Variants in ATP7A observed in about 807,000 individuals in gnomAD.
ATP7A encodes the protein ATPase copper transporting alpha.
In ATP7A, 7 loss-of-function variants were observed where a neutral mutation model predicts 83.5. The ratio of observed to expected loss-of-function variants is 0.08; its 90% CI spans 0.05 to 0.16. ATP7A has a LOEUF of 0.16. Among genes scored for constraint, ATP7A ranks in the 10% least tolerant of loss-of-function variants. ATP7A has a pLI of 1.00. For missense variants in ATP7A, 940 were observed against 1,120.8 expected (o/e 0.84, Z 2.30); for synonymous variants, 354 against 395.2 (o/e 0.90, Z 1.24).
chrX:78,015,980 A>G lies in ATP7A; in HGVS notation c.2626+99A>G, dbSNP rs898118011. ...AGCTATGAATAACTAAATTATGAAC[A>G]GAGAGAATAAGTTCTTTTAAGACTG... On this transcript the variant is annotated intron_variant, in intron 12 of 22. Coordinates refer to ENST00000341514, the MANE Select transcript of ATP7A (RefSeq NM_000052.7). 20 of 950,905 alleles carry G rather than the reference A, an allele frequency of 2.1e-5. No homozygotes were observed. The African/African-American group carries it at 3.5e-4, about 16-fold the overall frequency. The allele number at this position is 950,905 out of a possible 1,213,427, so 78.4% of individuals were successfully genotyped here. A position where few individuals can be genotyped will look rare whatever the true frequency, so the allele number is the denominator to read the frequency against.
At chrX:77,974,849 A>C (rs2149075566) in intron 2 of ATP7A, 1 of 294,078 alleles carries the variant, frequency 3.4e-6, no homozygotes, top group Non-Finnish European at 5.9e-6. Context: ...TTTCCATTAA[A>C]AATTTCAAAC....
intron 7 of ATP7A, among the ~76,000 whole-genome samples, chrX:78,010,631 G>T (rs1025949107): frequency 2.0e-4 from 18 of 88,248 alleles, no homozygotes; most frequent in African/African-American, 7.4e-4. Flanking sequence ...CTGGGCTGGA[G>T]TGCAGTGGTG....
At chrX:78,036,801 C>A (rs1242561922) in intron 17 of ATP7A, among the ~76,000 whole-genome samples, 1 of 110,817 alleles carries the variant, frequency 9.0e-6, no homozygotes, top group African/African-American at 3.3e-5. Flanking sequence ...GAGAATCTTG[C>A]GGGGATTCGG....
intron 18 of ATP7A, 30 bp downstream of exon 18, chrX:78,039,012 C>A: frequency 8.4e-7 from 1 of 1,196,029 alleles, no homozygotes; most frequent in South Asian, 1.8e-5. Flanking sequence ...TGCTATAACT[C>A]AATGTTTTGT....
chrX:77,924,566 A>T (rs1310267533), intron 1 of ATP7A: 1 of 111,673 alleles, frequency 9.0e-6, no homozygotes, highest in Non-Finnish European at 1.9e-5. Context: ...CTTTCTTAAA[A>T]ACTCCTTTCC....
rs1176316040 is a variant in ATP7A at position 78,017,765 on chromosome X, C to CTTTTTTTT, written c.2626+1906_2626+1913dup. The stretch of plus-strand genomic sequence containing the variant: ...ATGCCATCCGTCTCTTTTCTTGTTT[C>CTTTTTTTT]TTTTTTTTTTTTTTTTTTTTTTTTT... On this transcript the variant is annotated intron_variant, in intron 12 of 22. Transcript: ENST00000341514. Among the ~76,000 whole-genome samples the CTTTTTTTT allele has an allele frequency of 5.8e-3, 267 of 45,827 alleles. 6 individuals are homozygous for CTTTTTTTT. The highest frequency in any genetic ancestry group is 8.6e-3 in the African/African-American group (92 of 10,642). 39.8% of individuals were successfully genotyped at this position (45,827 alleles called of 115,157 possible). A position where few individuals can be genotyped will look rare whatever the true frequency, so the allele number is the denominator to read the frequency against.
intron 1 of ATP7A, chrX:77,965,588 A>C: frequency 6.8e-6 from 1 of 146,109 alleles, no homozygotes; most frequent in South Asian, 1.3e-4. Flanking sequence ...TTTGGAAAAC[A>C]GTCTGGCAGA....
At chrX:77,922,765 C>T (rs1310396488) in intron 1 of ATP7A, among the ~76,000 whole-genome samples, 3 of 111,793 alleles carry the variant, frequency 2.7e-5, no homozygotes, top group Non-Finnish European at 5.6e-5. Context: ...CCCTGATTTC[C>T]CTTCCTTCGT....
intron 7 of ATP7A, among the ~76,000 whole-genome samples, chrX:78,010,751 T>G (rs1289001202): frequency 9.2e-6 from 1 of 108,327 alleles, no homozygotes; most frequent in African/African-American, 3.4e-5. Context: ...AGCTAATTTT[T>G]TGTATTTTTA....
At chrX:77,992,942 T>A (rs2077678790) in intron 4 of ATP7A, among the ~76,000 whole-genome samples, 1 of 112,427 alleles carries the variant, frequency 8.9e-6, no homozygotes, top group African/African-American at 3.2e-5. Flanking sequence ...TTTTTGAAAA[T>A]GACAGTGTTT....
intron 14 of ATP7A, among the ~76,000 whole-genome samples, chrX:78,026,284 C>T (rs893748268): frequency 9.9e-5 from 11 of 111,667 alleles, no homozygotes; most frequent in Admixed American, 1.9e-4. Context: ...GGTTGCTATT[C>T]TTGTATTACA....
At chrX:77,995,424 C>T (rs185542032) in intron 4 of ATP7A, among the ~76,000 whole-genome samples, 24 of 108,459 alleles carry the variant, frequency 2.2e-4, no homozygotes, top group African/African-American at 5.4e-4. Context: ...AAAAATTAGC[C>T]GGGCGTGGTG....
chrX:77,962,703 G>A (rs1158671350), intron 1 of ATP7A: 1 of 384,173 alleles, frequency 2.6e-6, no homozygotes, highest in Non-Finnish European at 5.2e-6. Flanking sequence ...CGGAACAGTA[G>A]ACCTGCTGGA....
intron 17 of ATP7A, 143 bp from the exon 18 acceptor site, chrX:78,038,693 A>G: frequency 1.5e-6 from 1 of 675,129 alleles, no homozygotes; most frequent in Non-Finnish European, 2.2e-6. Context: ...TTCTTAGAAA[A>G]TTTGAACATC....
intron 17 of ATP7A, among the ~76,000 whole-genome samples, chrX:78,037,413 G>A (rs1184850069): frequency 8.9e-6 from 1 of 112,471 alleles, no homozygotes; most frequent in Non-Finnish European, 1.9e-5. Context: ...AGTGGCTATT[G>A]TATTAAACAT....
intron 7 of ATP7A, 116 bp downstream of exon 7, chrX:78,009,379 A>C: frequency 1.2e-6 from 1 of 828,815 alleles, no homozygotes; most frequent in Non-Finnish European, 1.8e-6. Context: ...TCCTTTGAAC[A>C]CTTCAAACAA....
At chrX:78,045,624 A>T (rs2078078407) in intron 22 of ATP7A, 52 bp downstream of exon 22, 1 of 1,029,871 alleles carries the variant, frequency 9.7e-7, no homozygotes, top group East Asian at 3.0e-5. Flanking sequence ...GTTATCATCT[A>T]GTCATTCTTG....
intron 1 of ATP7A, among the ~76,000 whole-genome samples, chrX:77,931,731 C>T (rs1557224331): frequency 9.6e-6 from 1 of 104,604 alleles, no homozygotes; most frequent in African/African-American, 3.5e-5. Context: ...GCAGAGGCAC[C>T]CCTCACCTCC....
At chrX:77,933,801 T>C (rs1338245380) in intron 1 of ATP7A, among the ~76,000 whole-genome samples, 13 of 112,370 alleles carry the variant, frequency 1.2e-4, no homozygotes, top group Admixed American at 3.8e-4. Flanking sequence ...TGAATTTATA[T>C]GCTACTGGTA....
Sources: allele counts gnomAD v4.1 joint callset (sites outside exome capture counted in the v4.1 genomes callset), GRCh38; gene constraint gnomAD v4.1.1; transcripts MANE v1.5; gene names NCBI Gene and HGNC (gene_info 2026-07-23, HGNC 2026-07-21).